The following GRID1 variants were observed in gnomAD, a reference collection of about 807,000 sequenced individuals.
The protein encoded by GRID1 is glutamate ionotropic receptor delta type subunit 1.
GRID1 carries 28 observed loss-of-function variants against 98.0 expected under a neutral mutation model. That is an observed-to-expected ratio of 0.29 (90% CI 0.21 to 0.39). The LOEUF is 0.39. Among genes scored for constraint, GRID1 ranks in the 10% least tolerant of loss-of-function variants. The probability of loss-of-function intolerance (pLI) is 1.00; values close to 1 mark genes in which losing one functional copy is unlikely to be tolerated. For synonymous variants in GRID1, 553 were observed against 538.5 expected, an observed-to-expected ratio of 1.03 and a Z score of -0.37; for missense variants, 1,111 against 1,340.5, an observed-to-expected ratio of 0.83 and a Z score of 2.67.
At chr10:85,705,228 C>A (rs559546280) in intron 12 of GRID1, among the ~76,000 whole-genome samples, 1 of 151,736 alleles carries the variant, frequency 6.6e-6, no homozygotes, top group African/African-American at 2.4e-5. Context: ...CCTAGCAAGA[C>A]TAATAAAGAA....
rs1245037426 is a variant in GRID1 at position 85,916,222 on chromosome 10, C to G, written c.744G>C (p.Leu248=). ...AGACCCAGTGGCTGTCCTTGGAAGC[C>G]AGGTTGGTCTCCACGGCCTGCAGAG... ...SFINEAVETN[L]ASKDSHWVFV... The change falls in exon 5 of 16, where the codon CTG becomes CTC. Residue 248 remains leucine (L), a synonymous_variant. Coordinates refer to ENST00000327946, the MANE Select transcript of GRID1 (RefSeq NM_017551.3). This position sits in a 1 kb window ranked among gnomAD's most constrained non-coding sequence, Gnocchi z 4.0. 1 of 1,613,788 alleles carries G rather than the reference C, an allele frequency of 6.2e-7. No homozygotes were observed.
intron 4 of GRID1, among the ~76,000 whole-genome samples, chr10:86,064,899 C>T (rs1007711230): frequency 1.3e-5 from 2 of 152,212 alleles, no homozygotes; most frequent in African/African-American, 4.8e-5. Flanking sequence ...CCTGCAAATG[C>T]ATTTCCTCAG....
At chr10:86,167,175 G>C (rs1271980717) in intron 3 of GRID1, among the ~76,000 whole-genome samples, 3 of 152,208 alleles carry the variant, frequency 2.0e-5, no homozygotes, top group Non-Finnish European at 2.9e-5. Flanking sequence ...TGATCTATTG[G>C]GGGACCAAGG....
At chr10:86,075,110 C>G (rs1276801785) in intron 4 of GRID1, among the ~76,000 whole-genome samples, 13 of 146,470 alleles carry the variant, frequency 8.9e-5, no homozygotes, top group African/African-American at 3.3e-4. Flanking sequence ...CACCATGGTC[C>G]CCGCGGAAGG....
intron 3 of GRID1, among the ~76,000 whole-genome samples, chr10:86,184,857 A>T (rs1275747461): frequency 6.6e-6 from 1 of 152,216 alleles, no homozygotes; most frequent in Non-Finnish European, 1.5e-5. Context: ...TAAACTAGCA[A>T]TGGACAATTG....
chr10:85,702,961 A>G (rs945929989), intron 12 of GRID1, among the ~76,000 whole-genome samples: 1 of 151,890 alleles, frequency 6.6e-6, no homozygotes, highest in African/African-American at 2.4e-5. Flanking sequence ...GAAAAAATGA[A>G]CCAGACAGAA....
At chr10:85,937,728 A>T (rs984974725) in intron 4 of GRID1, among the ~76,000 whole-genome samples, 2 of 152,114 alleles carry the variant, frequency 1.3e-5, no homozygotes, top group Non-Finnish European at 2.9e-5. Flanking sequence ...ATGTCTGGGG[A>T]CATTTGGGGT....
chr10:86,349,511 C>T (rs1239709592), intron 2 of GRID1, among the ~76,000 whole-genome samples: 2 of 152,218 alleles, frequency 1.3e-5, no homozygotes, highest in Non-Finnish European at 2.9e-5. Context: ...GCGTGGTTCT[C>T]CCCTTTGCAC....
chr10:85,614,503 A>C (rs952028905), intron 14 of GRID1, among the ~76,000 whole-genome samples: 4 of 152,240 alleles, frequency 2.6e-5, no homozygotes. Context: ...AGAGAAGGAA[A>C]TCAAGGCACA....
chr10:85,908,903 C>A (rs1412741592), intron 5 of GRID1, among the ~76,000 whole-genome samples: 2 of 152,066 alleles, frequency 1.3e-5, no homozygotes, highest in Non-Finnish European at 2.9e-5. Flanking sequence ...ACACGAAAAA[C>A]ATAATTCTTA....
At position 85,918,874 on chromosome 10, in the gene GRID1, G is replaced by A. The variant is rs374441277; in HGVS notation, c.727-2635C>T. Among the ~76,000 whole-genome samples, 13 of 152,286 alleles carry A rather than the reference G, an allele frequency of 8.5e-5. No individual in the cohort carries two copies. In the South Asian group the frequency reaches 2.5e-3, roughly 29 times the overall value. Reference sequence around the variant, plus strand: ...TAAGAAGGTTGACCATTTGTGAGAGGTAAAGCTTTATCATGCACTGACATT... The same window carrying A: ...TAAGAAGGTTGACCATTTGTGAGAGATAAAGCTTTATCATGCACTGACATT... On this transcript the variant is annotated intron_variant, in intron 4 of 15. Coordinates refer to ENST00000327946, the MANE Select transcript of GRID1 (RefSeq NM_017551.3).
intron 4 of GRID1, among the ~76,000 whole-genome samples, chr10:86,045,643 G>GTGGGGAGAGAGAT (rs1420675414): frequency 2.6e-5 from 4 of 152,078 alleles, no homozygotes; most frequent in Non-Finnish European, 5.9e-5. Context: ...GGGAGAGAGA[G>GTGGGGAGAGAGAT]TGAGAGAGTG....
chr10:85,650,552 C>A lies in GRID1; in HGVS notation c.1998-3155G>T, dbSNP rs571720043. ...GCAAGGAATACATGGCAGGCATCAT[C>A]AAGGGGCGAGTGATCAGAGAAGTAA... On this transcript the variant is annotated intron_variant, in intron 12 of 15. Transcript: ENST00000327946. 1.4e-4 allele frequency among the ~76,000 whole-genome samples: 21 copies of A among 152,252 alleles called. 1 individual carries two copies. In the South Asian group the frequency reaches 4.4e-3, roughly 32 times the overall value.
intron 4 of GRID1, among the ~76,000 whole-genome samples, chr10:86,051,888 C>T (rs888140129): frequency 1.3e-5 from 2 of 152,122 alleles, no homozygotes; most frequent in Non-Finnish European, 2.9e-5. Flanking sequence ...CAGTATCTAC[C>T]AAAATTACAA....
At chr10:85,914,849 G>A (rs978681104) in intron 5 of GRID1, among the ~76,000 whole-genome samples, 2 of 152,306 alleles carry the variant, frequency 1.3e-5, no homozygotes, top group Admixed American at 1.3e-4. Flanking sequence ...TAGCCATGAT[G>A]AAAGCTTGCA....
intron 8 of GRID1, among the ~76,000 whole-genome samples, chr10:85,811,702 T>C (rs1842673376): frequency 6.6e-6 from 1 of 152,286 alleles, no homozygotes; most frequent in East Asian, 1.9e-4. Context: ...ACAGAATTTA[T>C]GGAAAACCAT....
intron 12 of GRID1, among the ~76,000 whole-genome samples, chr10:85,663,134 A>G (rs1194549478): frequency 2.0e-5 from 3 of 152,118 alleles, no homozygotes; most frequent in Non-Finnish European, 4.4e-5. Flanking sequence ...GCATCCCCCC[A>G]AAGTAAATAT....
intron 2 of GRID1, among the ~76,000 whole-genome samples, chr10:86,232,449 C>T (rs1370234873): frequency 2.0e-5 from 3 of 152,196 alleles, no homozygotes; most frequent in African/African-American, 7.2e-5. Flanking sequence ...GTGTCAGGTA[C>T]AGTCAAGGCA....
chr10:86,136,948 C>T (rs1441141641), intron 4 of GRID1, among the ~76,000 whole-genome samples: 1 of 152,032 alleles, frequency 6.6e-6, no homozygotes, highest in Non-Finnish European at 1.5e-5. Context: ...ACCCCCTGTA[C>T]CTAAAATAAA....
Sources: gnomAD v4.1 joint callset for allele counts (sites outside exome capture counted in the v4.1 genomes callset) on GRCh38, gnomAD v4.1.1 for gene constraint, Gnocchi (gnomAD v3.1) non-coding constraint, MANE v1.5 for transcripts, NCBI Gene and HGNC (gene_info 2026-07-23, HGNC 2026-07-21) for gene names.